ZNF536: variants seen among roughly 807,000 people sequenced by gnomAD.
ZNF536 encodes zinc finger protein 536.
ZNF536 carries 13 observed loss-of-function variants against 84.5 expected under a neutral mutation model. The ratio of observed to expected loss-of-function variants is 0.15; its 90% confidence interval spans 0.10 to 0.24. The LOEUF is 0.24. Ranked by LOEUF, ZNF536 falls within the 10% of genes least tolerant of loss-of-function variation. The probability of loss-of-function intolerance (pLI) is 1.00; values close to 1 mark genes in which losing one functional copy is unlikely to be tolerated. For synonymous variants in ZNF536, 811 were observed against 742.5 expected, an observed-to-expected ratio of 1.09 and a Z score of -1.50; for missense variants, 1,536 against 1,747.5, an observed-to-expected ratio of 0.88 and a Z score of 2.16.
intron 2 of ZNF536, among the ~76,000 whole-genome samples, chr19:30,485,832 T>G (rs2054283275): frequency 6.6e-6 from 1 of 152,152 alleles, no homozygotes; most frequent in Non-Finnish European, 1.5e-5. Flanking sequence ...TTTTCTCAGG[T>G]TTTTTTCTTA....
chr19:30,439,966 T>C (rs1472726835), intron 1 of ZNF536, among the ~76,000 whole-genome samples: 3 of 136,876 alleles, frequency 2.2e-5, no homozygotes, highest in Non-Finnish European at 4.8e-5. Flanking sequence ...TTTCTTTTTT[T>C]TTTTTTTTTT....
chr19:30,712,026 C>T (rs923660103), exon 2 of ZNF536: 3 of 148,254 alleles, frequency 2.0e-5, no homozygotes, highest in African/African-American at 7.6e-5. Flanking sequence ...TTTTCTTCTC[C>T]AGCAAGCTCT....
intron 1 of ZNF536, among the ~76,000 whole-genome samples, chr19:30,568,349 T>C (rs1483820448): frequency 6.6e-6 from 1 of 152,224 alleles, no homozygotes; most frequent in Non-Finnish European, 1.5e-5. Context: ...TTGGATACCA[T>C]GAAATCTTTT....
At chr19:30,643,201 A>T (rs1005656129) in intron 1 of ZNF536, among the ~76,000 whole-genome samples, 3 of 152,138 alleles carry the variant, frequency 2.0e-5, no homozygotes, top group Admixed American at 6.5e-5. Flanking sequence ...TTCCACTGGG[A>T]CTGTGTCCTC....
rs2045684493 is a variant in ZNF536 at position 30,549,321 on chromosome 19, C to T, written c.3702C>T (p.His1234=). 1.2e-6 allele frequency: 2 copies of T among 1,611,040 alleles called. No homozygotes were observed. The highest frequency in any genetic ancestry group is 1.7e-6 in the Non-Finnish European group (2 of 1,178,288). Residue 1234 remains histidine, a synonymous_variant, in exon 4 of 5, where the codon CAC becomes CAT. Transcript: ENST00000355537. ...PLSQAPEKQW[H]SQGLLQAQDP... is the part of the protein sequence containing the mutation. ...CCCAAGCACCGGAGAAGCAGTGGCA[C>T]AGCCAGGGTCTTCTCCAAGCCCAGG...
At chr19:30,634,707 A>G (rs989353002) in intron 1 of ZNF536, among the ~76,000 whole-genome samples, 1 of 152,142 alleles carries the variant, frequency 6.6e-6, no homozygotes, top group African/African-American at 2.4e-5. Context: ...GAATGAGGCC[A>G]GGACTGAAGT....
At chr19:30,327,119 AAAAAT>A (rs1363130013) in intron 2 of ZNF536, among the ~76,000 whole-genome samples, 9 of 152,170 alleles carry the variant, frequency 5.9e-5, no homozygotes, top group Non-Finnish European at 8.8e-5. Flanking sequence ...CCCTGCCTCT[AAAAAT>A]AAATAAGTTA....
rs908696035 is a variant in ZNF536, at chr19:30,509,268, A to C, written c.2171-25579A>C. Among the ~76,000 whole-genome samples the C allele has an allele frequency of 8.8e-5, 13 of 148,466 alleles. 1 individual carries two copies. The highest frequency in any genetic ancestry group is 3.2e-4 in the African/African-American group (13 of 40,888). On this transcript the variant is annotated intron_variant, in intron 2 of 4. Coordinates refer to ENST00000355537, the MANE Select transcript of ZNF536 (RefSeq NM_014717.3). ...GTATAATATATATAATATGTAATGT[A>C]TATATTATGTATAATATACAATATG...
intron 1 of ZNF536, among the ~76,000 whole-genome samples, chr19:30,432,669 G>C (rs1435183029): frequency 6.6e-6 from 1 of 152,168 alleles, no homozygotes; most frequent in Non-Finnish European, 1.5e-5. Flanking sequence ...TTGACCTTCC[G>C]ATGTTTGGTT....
intron 1 of ZNF536, among the ~76,000 whole-genome samples, chr19:30,400,847 A>C (rs1338317245): frequency 6.6e-6 from 1 of 152,228 alleles, no homozygotes; most frequent in Non-Finnish European, 1.5e-5. Flanking sequence ...TCTGCAGAGC[A>C]AAAAATTTAA....
rs935494448 is a variant in ZNF536, at chr19:30,314,284, C to T, written c.-120+30143C>T. ...GAATGGAGTCTCGAGCGGGGCGGTG[C>T]GGGCTGGACTATCATTCGTGCAGGC... On this transcript the variant is annotated intron_variant, in intron 2 of 5. Transcript: ENST00000585628. Among the ~76,000 whole-genome samples the T allele has an allele frequency of 3.9e-5, 6 of 152,268 alleles. No homozygotes were observed. The East Asian group carries it at 5.8e-4, about 15-fold the overall frequency.
intron 3 of ZNF536, among the ~76,000 whole-genome samples, chr19:30,365,925 A>AT (rs940140732): frequency 4.6e-5 from 7 of 152,274 alleles, no homozygotes; most frequent in Non-Finnish European, 7.4e-5. Context: ...ATAAGCCTTC[A>AT]TTTTTTAAAA....
At chr19:30,374,673 A>C (rs1293653432) in intron 1 of ZNF536, among the ~76,000 whole-genome samples, 1 of 133,786 alleles carries the variant, frequency 7.5e-6, no homozygotes, top group African/African-American at 2.9e-5. Context: ...CAAGGAAAAC[A>C]CAACAAACTG....
chr19:30,442,236 T>C (rs1339547334), intron 1 of ZNF536, among the ~76,000 whole-genome samples: 4 of 152,174 alleles, frequency 2.6e-5, no homozygotes, highest in African/African-American at 9.7e-5. Context: ...CGTGCTCCAA[T>C]GTGGAAGGGG....
chr19:30,323,872 C>T (rs980545913), intron 2 of ZNF536, among the ~76,000 whole-genome samples: 9 of 152,168 alleles, frequency 5.9e-5, no homozygotes, highest in African/African-American at 2.2e-4. Flanking sequence ...TGCTCAACCA[C>T]TCCTGTCTTC....
At chr19:30,411,510 G>C (rs1482902680) in intron 1 of ZNF536, among the ~76,000 whole-genome samples, 1 of 152,004 alleles carries the variant, frequency 6.6e-6, no homozygotes, top group Non-Finnish European at 1.5e-5. Flanking sequence ...AAAACTTTTT[G>C]TGTGAAGTAA....
At chr19:30,698,212 A>T (rs1568682584) in intron 1 of ZNF536, among the ~76,000 whole-genome samples, 1 of 152,042 alleles carries the variant, frequency 6.6e-6, no homozygotes, top group Non-Finnish European at 1.5e-5. Context: ...GAATCACTTG[A>T]ACCTGGGAGG....
chr19:30,449,825 T>C (rs1019076902), intron 2 of ZNF536, among the ~76,000 whole-genome samples: 5 of 152,200 alleles, frequency 3.3e-5, no homozygotes, highest in African/African-American at 1.2e-4. Context: ...ATTCCTGAAA[T>C]GCTGGGTCTC....
At chr19:30,667,043 G>A (rs2050350661) in intron 1 of ZNF536, among the ~76,000 whole-genome samples, 1 of 152,064 alleles carries the variant, frequency 6.6e-6, no homozygotes, top group African/African-American at 2.4e-5. Context: ...CTACCTTGGT[G>A]TAAGCTCTTG....
Sources: gnomAD v4.1 joint callset for allele counts (sites outside exome capture counted in the v4.1 genomes callset) on GRCh38, gnomAD v4.1.1 for gene constraint, MANE v1.5 for transcripts, NCBI Gene and HGNC (gene_info 2026-07-23, HGNC 2026-07-21) for gene names.